Variants in PTGR2 observed in about 807,000 individuals in gnomAD.
The protein encoded by PTGR2 is 15-oxoprostaglandin 13-reductase.
A neutral mutation model predicts 43.4 loss-of-function variants in PTGR2; 32 were observed. That is an observed-to-expected ratio of 0.74 (90% CI 0.56 to 0.99). The LOEUF (loss-of-function observed/expected upper bound fraction) is 0.99, where lower values mean the gene tolerates loss of function less well. Among genes scored for constraint, PTGR2 ranks in the 50% least tolerant of loss-of-function variants. The pLI, the probability that PTGR2 is intolerant of heterozygous loss-of-function variation, is 0.00. For missense variants in PTGR2, 373 were observed against 420.0 expected (o/e 0.89, Z 0.98); for synonymous variants, 106 against 139.2 (o/e 0.76, Z 1.68).
intron 1 of PTGR2, among the ~76,000 whole-genome samples, chr14:73,857,679 T>TTTTTTTTTG (rs1356549271): frequency 7.6e-6 from 1 of 131,116 alleles, no homozygotes. Context: ...TTTTTTTTTT[T>TTTTTTTTTG]TTTTTTTGAG....
intron 4 of PTGR2, 72 bp from the exon 5 acceptor site, chr14:73,876,926 C>G (rs2140269741): frequency 8.7e-7 from 1 of 1,150,924 alleles, no homozygotes; most frequent in Non-Finnish European, 1.3e-6. Flanking sequence ...CAGTCCATAA[C>G]ACGTTGTCTC....
At chr14:73,883,229 G>T (rs2055042667) in intron 9 of PTGR2, among the ~76,000 whole-genome samples, 4 of 64,916 alleles carry the variant, frequency 6.2e-5, no homozygotes, top group Admixed American at 4.5e-4. Flanking sequence ...TTAAAGAGAT[G>T]ATCTTGCTCT....
chr14:73,878,562 C>G (rs2054914371), intron 5 of PTGR2: 1 of 342,798 alleles, frequency 2.9e-6, no homozygotes, highest in African/African-American at 2.2e-5. Flanking sequence ...GACACTCTCT[C>G]GAGATGCTGG....
In PTGR2 at chr14:73,876,985, T is replaced by C; in HGVS notation, c.349-13T>C. 6.3e-7 allele frequency: 1 copy of C among 1,599,286 alleles called. No homozygotes were observed. Among genetic ancestry groups the C allele is most frequent in the Non-Finnish European group, 8.5e-7 (1 of 1,169,782 alleles). ...ATTCCTAGTATTTTTAAAGGGTATA[T>C]ATTTTATTTTAGGTAGACCCACAAC... is the stretch of plus-strand genomic sequence containing the variant. On this transcript the variant is annotated splice_polypyrimidine_tract_variant and intron_variant, in intron 4 of 9. Coordinates refer to ENST00000555661, the MANE Select transcript of PTGR2 (RefSeq NM_001146154.2).
rs35651032 is a variant in PTGR2 at position 73,882,800 on chromosome 14, C to CTTTTT, written c.979+396_979+400dup. On this transcript the variant is annotated intron_variant, in intron 9 of 9. Coordinates refer to ENST00000555661, the MANE Select transcript of PTGR2 (RefSeq NM_001146154.2). ...CAAGCGTGAGCCACCACGCCTGGCC[C>CTTTTT]TTTTTTTTTTTTTTTTTTTTTTTTT... Among the ~76,000 whole-genome samples the CTTTTT allele has an allele frequency of 1.1e-3, 44 of 41,868 alleles. 10 individuals carry two copies. The highest frequency in any genetic ancestry group is 1.9e-3 in the Non-Finnish European group (41 of 21,900). The allele number at this position is 41,868 out of a possible 152,430, so 27.5% of individuals were successfully genotyped here.
At chr14:73,856,659 G>A (rs1186192676) in intron 1 of PTGR2, among the ~76,000 whole-genome samples, 1 of 152,188 alleles carries the variant, frequency 6.6e-6, no homozygotes, top group Non-Finnish European at 1.5e-5. Context: ...ACAGCAACAT[G>A]CCATATAGGT....
rs780212945 is a variant in PTGR2 at position 73,882,410 on chromosome 14, G to T, written c.951G>T (p.Thr317=). ...ATTTTGATTTACAGATTAAAGAGAC[G>T]GTAATAAATGGGTTGGAAAACATGG... ...FKEGKLKIKE[T]VINGLENMGA... The change falls in exon 9 of 10, where the codon ACG becomes ACT. Residue 317 remains threonine, a synonymous_variant. Transcript: ENST00000555661. 6.4e-7 allele frequency: 1 copy of T among 1,571,194 alleles called. No individual in the cohort carries two copies. The highest frequency in any genetic ancestry group is 1.1e-5 in the South Asian group (1 of 89,816).
At chr14:73,878,932 C>T in intron 5 of PTGR2, 164 bp from the exon 6 acceptor site, 1 of 593,704 alleles carries the variant, frequency 1.7e-6, no homozygotes, top group Non-Finnish European at 2.9e-6. Context: ...ACATTGTCTG[C>T]CCTCAGTTCT....
At chr14:73,859,012 C>T in intron 2 of PTGR2, 113 bp downstream of exon 2, 1 of 751,032 alleles carries the variant, frequency 1.3e-6, no homozygotes, top group Non-Finnish European at 2.2e-6. Flanking sequence ...AAGATATTGA[C>T]ACTAGTAAAG....
chr14:73,873,121 A>G (rs2054776364), intron 3 of PTGR2, among the ~76,000 whole-genome samples: 1 of 152,100 alleles, frequency 6.6e-6, no homozygotes, highest in Admixed American at 6.5e-5. Context: ...CAGCCTGACC[A>G]ACATGGAGAA....
chr14:73,866,581 G>A (rs963664857), intron 3 of PTGR2, among the ~76,000 whole-genome samples: 4 of 152,102 alleles, frequency 2.6e-5, no homozygotes, highest in African/African-American at 9.7e-5. Flanking sequence ...ATCAATTTGG[G>A]GAGTATTGTC....
chr14:73,882,690 C>T (rs1158202142), intron 9 of PTGR2, among the ~76,000 whole-genome samples: 8 of 149,436 alleles, frequency 5.4e-5, no homozygotes, highest in Admixed American at 2.0e-4. Context: ...TTAGTAGAGA[C>T]GGGGTTTCAC....
At chr14:73,875,995 A>AT (rs1370686750) in intron 4 of PTGR2, among the ~76,000 whole-genome samples, 1 of 150,916 alleles carries the variant, frequency 6.6e-6, no homozygotes, top group African/African-American at 2.4e-5. Flanking sequence ...AATTTTTTGT[A>AT]TTTTTAGTAG....
rs372002243 is a variant in PTGR2, at chr14:73,874,005, A to C, written c.157-18A>C. The stretch of plus-strand genomic sequence containing the variant: ...TGACATTATTGGATAAAATTATCTT[A>C]ATGTTTTCTTTTTTCAGCGTTGTAG... On this transcript the variant is annotated intron_variant, in intron 3 of 9. Coordinates refer to ENST00000555661, the MANE Select transcript of PTGR2 (RefSeq NM_001146154.2). 7 of 1,553,342 alleles carry C rather than the reference A, an allele frequency of 4.5e-6. No individual in the cohort carries two copies. Among genetic ancestry groups the C allele is most frequent in the Non-Finnish European group, 6.1e-6 (7 of 1,151,446 alleles).
At position 73,884,571 on chromosome 14, in the gene PTGR2, G is replaced by A. The variant is rs2055082357; in HGVS notation, c.*394G>A. 1 of 152,758 alleles carries A rather than the reference G, an allele frequency of 6.5e-6. No homozygotes were observed. Among genetic ancestry groups the A allele is most frequent in the Non-Finnish European group, 1.5e-5 (1 of 68,528 alleles). The allele number at this position is 152,758 out of a possible 1,614,324, so 9.5% of individuals were successfully genotyped here. On this transcript the variant is annotated 3_prime_UTR_variant, in exon 10 of 10. Coordinates refer to ENST00000555661, the MANE Select transcript of PTGR2 (RefSeq NM_001146154.2). ...TAAAATAGAATGCTTGAGAGGCACT[G>A]AGTAAAGATTTGTTGAACTGGAAAT...
intron 3 of PTGR2, among the ~76,000 whole-genome samples, chr14:73,864,449 A>G (rs1031427545): frequency 6.6e-6 from 1 of 152,138 alleles, no homozygotes; most frequent in African/African-American, 2.4e-5. Context: ...CCTCACTAAC[A>G]CTTGTTATTA....
chr14:73,879,225 C>T lies in PTGR2; in HGVS notation c.649C>T (p.Leu217Phe), dbSNP rs1310710402. 6.8e-6 allele frequency: 11 copies of T among 1,614,070 alleles called. No homozygotes were observed. Among genetic ancestry groups the T allele is most frequent in the Non-Finnish European group, 9.3e-6 (11 of 1,180,010 alleles). Residue 217 changes from leucine to phenylalanine, a missense_variant, in exon 6 of 10, where the codon CTC becomes TTC. By Grantham distance (22) the Leu-to-Phe change is conservative. Transcript: ENST00000555661. ...TAAAAAAGACAATGTGGCAGAACAG[C>T]TCCGTGAATCATGCCCAGCTGGAGT... ...NYKKDNVAEQ[L>F]RESCPAGVDV...
At chr14:73,851,969 C>CAACT (rs1566631820) in intron 1 of PTGR2, 26 bp downstream of exon 1, 1 of 152,272 alleles carries the variant, frequency 6.6e-6, no homozygotes, top group Non-Finnish European at 1.5e-5. Context: ...GCGGCTCCCG[C>CAACT]GACTGTGGCT....
chr14:73,865,204 A>G (rs964060178), intron 3 of PTGR2, among the ~76,000 whole-genome samples: 1 of 152,176 alleles, frequency 6.6e-6, no homozygotes, highest in Admixed American at 6.5e-5. Flanking sequence ...CCAAGCTGGA[A>G]GGCCCGACAA....
Sources: gnomAD v4.1 joint callset for allele counts (sites outside exome capture counted in the v4.1 genomes callset) on GRCh38, gnomAD v4.1.1 for gene constraint, MANE v1.5 for transcripts, NCBI Gene and HGNC (gene_info 2026-07-23, HGNC 2026-07-21) for gene names.